Variants in PCDH8 observed in about 807,000 individuals in gnomAD.
PCDH8 encodes the protein protocadherin 8, also known as protocadherin-8.
Under a neutral mutation model 58.2 loss-of-function variants are expected in PCDH8, and 36 were observed. The observed-to-expected ratio is 0.62, with a 90% CI of 0.47 to 0.82. The LOEUF is 0.82. Ranked by LOEUF, PCDH8 falls within the 40% of genes least tolerant of loss-of-function variation. The pLI, the probability that PCDH8 is intolerant of heterozygous loss-of-function variation, is 0.00. For missense variants in PCDH8, 1,493 were observed against 1,567.8 expected (o/e 0.95, Z 0.81); for synonymous variants, 775 against 728.9 (o/e 1.06, Z -1.02).
At position 52,846,015 on chromosome 13, in the gene PCDH8, C is replaced by T. The variant is rs1472316418; in HGVS notation, c.2422G>A (p.Ala808Thr). The change falls in exon 1 of 3, where the codon GCC (alanine) becomes ACC (threonine). Residue 808 changes from alanine (A) to threonine (T), a missense_variant. Coordinates refer to ENST00000377942, the MANE Select transcript of PCDH8 (RefSeq NM_002590.4). ...GASAPGSPEEAARGAGPRPNM... is the reference protein window; with the variant it reads ...GASAPGSPEETARGAGPRPNM... ...GGCCTGGGCCCGGCTCCCCGGGCGGCCTCCTCCGGGGAGCCGGGAGCCGAG... is the reference window on the plus strand; with the variant it reads ...GGCCTGGGCCCGGCTCCCCGGGCGGTCTCCTCCGGGGAGCCGGGAGCCGAG... 2 of 1,479,386 alleles carry T rather than the reference C, an allele frequency of 1.4e-6. No homozygotes were observed. The highest frequency in any genetic ancestry group is 2.2e-4 in the Middle Eastern group (1 of 4,618). The allele number at this position is 1,479,386 out of a possible 1,614,324, so 91.6% of individuals were successfully genotyped here.
At position 52,846,854 on chromosome 13, in the gene PCDH8, CG is replaced by C; in HGVS notation, c.1582del (p.Arg528AlafsTer67). 1 of 1,547,470 alleles carries C rather than the reference CG, an allele frequency of 6.5e-7. No homozygotes were observed. ...CAGCCGGTAGGTGACCTGGCCGTTG[CG>C]GCCCAGGTCCCGGTCGCGGGCGGCC... ...TVAARDRDLG[R>X]NGQVTYRLLE... On this transcript the variant is annotated frameshift_variant, in exon 1 of 3. Coordinates refer to ENST00000377942, the MANE Select transcript of PCDH8 (RefSeq NM_002590.4). LOFTEE classifies it high-confidence loss of function.
In PCDH8 at chr13:52,847,320, C is replaced by G. The variant is rs1965757096; in HGVS notation, c.1117G>C (p.Ala373Pro). 7.1e-7 allele frequency: 1 copy of G among 1,412,078 alleles called. No individual in the cohort carries two copies. Among genetic ancestry groups the G allele is most frequent in the African/African-American group, 1.5e-5 (1 of 67,032 alleles). 87.5% of individuals were successfully genotyped at this position (1,412,078 alleles called of 1,614,324 possible). The stretch of plus-strand genomic sequence containing the variant: ...CCCCCGAGTGCAGCGGCGGCGGCGG[C>G]AGCGGCGAAGGGTGAGGTTGCCGGC... Reference protein sequence around the residue: ...GAPATSPFAAAAAAAALGGAD... With the variant: ...GAPATSPFAAPAAAAALGGAD... The change falls in exon 1 of 3, where the codon GCC (alanine) becomes CCC (proline). Residue 373 changes from alanine to proline, a missense_variant. By Grantham distance (27) the Ala-to-Pro change is conservative. Around this residue, in one of 3 missense-constraint regions of PCDH8, gnomAD observed 1,307 missense variants for 1,362.7 expected, o/e 0.96. Coordinates refer to ENST00000377942, the MANE Select transcript of PCDH8 (RefSeq NM_002590.4).
In PCDH8 at chr13:52,847,216, G is replaced by C; in HGVS notation, c.1221C>G (p.Arg407=). 2.1e-6 allele frequency: 3 copies of C among 1,407,364 alleles called. No homozygotes were observed. The South Asian group carries it at 4.8e-5, about 23-fold the overall frequency. The allele number at this position is 1,407,364 out of a possible 1,614,324, so 87.2% of individuals were successfully genotyped here. The change falls in exon 1 of 3, where the codon CGC becomes CGG. Residue 407 remains arginine (R), a synonymous_variant. Transcript: ENST00000377942. ...ATSLVPEGAA[R]ESLVALVSTS... ...TGCTGACCAGGGCCACCAGGCTCTCGCGCGCCGCCCCCTCCGGCACCAGCG... is the reference window on the plus strand; with the variant it reads ...TGCTGACCAGGGCCACCAGGCTCTCCCGCGCCGCCCCCTCCGGCACCAGCG...
At position 52,845,612 on chromosome 13, in the gene PCDH8, A is replaced by C. The variant is rs1238204721; in HGVS notation, c.2652T>G (p.Gly884=). 2.5e-6 allele frequency: 4 copies of C among 1,613,602 alleles called. No homozygotes were observed. The highest frequency in any genetic ancestry group is 3.4e-6 in the Non-Finnish European group (4 of 1,179,974). ...AHAEPYGASP[G]FGKEPAPPVA... Reference sequence around the variant, plus strand: ...CAGGGGGCGCCGGCTCCTTTCCAAAACCCGGGGAGGCACCGTAGGGCTGCA... The same window carrying C: ...CAGGGGGCGCCGGCTCCTTTCCAAACCCCGGGGAGGCACCGTAGGGCTGCA... Residue 884 remains glycine, a synonymous_variant, in exon 2 of 3, where the codon GGT becomes GGG. Transcript: ENST00000377942.
Position 52,844,619 on chromosome 13 carries a change from A to G in PCDH8, c.3154T>C (p.Tyr1052His). ...AGGTACCTGCCAGGAGGGGACTGGT[A>G]GAGGGGTACTCCAATCTCCTGCAGG... ...PDLQEIGVPLYQSPPGRYLSP... is the reference protein window; with the variant it reads ...PDLQEIGVPLHQSPPGRYLSP... Residue 1052 changes from tyrosine (Y) to histidine (H), a missense_variant, in exon 3 of 3, where the codon TAC (tyrosine) becomes CAC (histidine). Coordinates refer to ENST00000377942, the MANE Select transcript of PCDH8 (RefSeq NM_002590.4). 1 of 1,612,952 alleles carries G rather than the reference A, an allele frequency of 6.2e-7. No homozygotes were observed. The highest frequency in any genetic ancestry group is 8.5e-7 in the Non-Finnish European group (1 of 1,179,330).
In PCDH8 at chr13:52,846,080, G is replaced by C. The variant is rs757040442; in HGVS notation, c.2357C>G (p.Ala786Gly). ...CGCCCCGGGCCGCTCTTCCCGGAGG[G>C]CCCCCCCTTTGCGCACCTCCTTCTT... ...RRKKEVRKGGALREERPGAAG... is the reference protein window; with the variant it reads ...RRKKEVRKGGGLREERPGAAG... The change falls in exon 1 of 3, where the codon GCC becomes GGC. Residue 786 changes from alanine (A) to glycine (G), a missense_variant. By Grantham distance (60) the Ala-to-Gly change is moderately conservative. Transcript: ENST00000377942. 17 of 1,566,344 alleles carry C rather than the reference G, an allele frequency of 1.1e-5. 2 individuals are homozygous for C. The South Asian group carries it at 1.8e-4, about 17-fold the overall frequency.
In PCDH8 at chr13:52,848,208, G is replaced by A. The variant is rs201519321; in HGVS notation, c.229C>T (p.Arg77Cys). 9.3e-6 allele frequency: 15 copies of A among 1,612,864 alleles called. No individual in the cohort carries two copies. In the Admixed American group the frequency reaches 1.2e-4, roughly 13 times the overall value. ...ACGGTCAGCTGCCCGTCGCCTTCGC[G>A]CACCCGGAGCAGAGAGCTGTTGAAT... ...KQFNSSLLRVREGDGQLTVGD... is the reference protein window; with the variant it reads ...KQFNSSLLRVCEGDGQLTVGD... Residue 77 changes from arginine (R) to cysteine (C), a missense_variant, in exon 1 of 3, where the codon CGC becomes TGC. By Grantham distance (180) the Arg-to-Cys change is radical (BLOSUM62 -3). This residue lies in a region of PCDH8 where 1,307 missense variants were observed against 1,362.7 expected (regional missense o/e 0.96). Coordinates refer to ENST00000377942, the MANE Select transcript of PCDH8 (RefSeq NM_002590.4).
In PCDH8 at chr13:52,846,867, G is replaced by T. The variant is rs1965747459; in HGVS notation, c.1570C>A (p.Arg524=). The change falls in exon 1 of 3, where the codon CGG becomes AGG. Residue 524 remains arginine, a synonymous_variant. Transcript: ENST00000377942. The part of the protein sequence containing the change: ...AYLATVAARD[R]DLGRNGQVTY... Reference sequence around the variant, plus strand: ...ACCTGGCCGTTGCGGCCCAGGTCCCGGTCGCGGGCGGCCACCGTGGCCAGG... The same window carrying T: ...ACCTGGCCGTTGCGGCCCAGGTCCCTGTCGCGGGCGGCCACCGTGGCCAGG... The T allele has an allele frequency of 6.5e-7, 1 of 1,550,080 alleles. No individual in the cohort carries two copies. Among genetic ancestry groups the T allele is most frequent in the Non-Finnish European group, 8.7e-7 (1 of 1,152,290 alleles).
rs1965701707 is a variant in PCDH8, at chr13:52,844,708, A to G, written c.3065T>C (p.Leu1022Pro). The change falls in exon 3 of 3, where the codon CTG (leucine) becomes CCG (proline). Residue 1022 changes from leucine to proline, a missense_variant. Coordinates refer to ENST00000377942, the MANE Select transcript of PCDH8 (RefSeq NM_002590.4). ...GACTGTCCTGTCATAGTCTCTGTGC[A>G]GTACTTTCTCATAGACGCTCTGCAG... ...VGLQSVYEKV[L>P]HRDYDRTVTL... is the part of the protein sequence containing the mutation. 1 of 1,614,080 alleles carries G rather than the reference A, an allele frequency of 6.2e-7. No individual in the cohort carries two copies.
chr13:52,847,303 T>TGCAGCGGCGGCGGCG lies in PCDH8; in HGVS notation c.1119_1133dup (p.Ala374_Ala378dup). 7.1e-7 allele frequency: 1 copy of TGCAGCGGCGGCGGCG among 1,403,496 alleles called. No individual in the cohort carries two copies. Among genetic ancestry groups the TGCAGCGGCGGCGGCG allele is most frequent in the Non-Finnish European group, 9.2e-7 (1 of 1,085,284 alleles). The allele number at this position is 1,403,496 out of a possible 1,614,324, so 86.9% of individuals were successfully genotyped here. ...GCGAGCTAGCGTCCGCTCCCCCGAG[T>TGCAGCGGCGGCGGCG]GCAGCGGCGGCGGCGGCAGCGGCGA... On this transcript the variant is annotated inframe_insertion, in exon 1 of 3. Transcript: ENST00000377942.
rs769181923 is a variant in PCDH8 at position 52,846,270 on chromosome 13, T to C, written c.2167A>G (p.Ser723Gly). The change falls in exon 1 of 3, where the codon AGT becomes GGT. Residue 723 changes from serine (S) to glycine (G), a missense_variant. By Grantham distance (56) the Ser-to-Gly change is moderately conservative. Coordinates refer to ENST00000377942, the MANE Select transcript of PCDH8 (RefSeq NM_002590.4). ...GGGRGPAAPA[S>G]AGSPERSRPP... ...CGGGAACGCTCCGGGCTTCCTGCAC[T>C]GGCAGGCGCAGCCGGCCCACGCCCG... The C allele has an allele frequency of 3.8e-6, 6 of 1,578,772 alleles. No homozygotes were observed. Among genetic ancestry groups the C allele is most frequent in the Non-Finnish European group, 4.3e-6 (5 of 1,168,270 alleles).
In PCDH8 at chr13:52,847,310, G is replaced by T; in HGVS notation, c.1127C>A (p.Ala376Asp). 1 of 1,405,182 alleles carries T rather than the reference G, an allele frequency of 7.1e-7. No individual in the cohort carries two copies. Among genetic ancestry groups the T allele is most frequent in the Admixed American group, 3.4e-5 (1 of 29,628 alleles). The allele number at this position is 1,405,182 out of a possible 1,614,324, so 87.0% of individuals were successfully genotyped here. The change falls in exon 1 of 3, where the codon GCC becomes GAC. Residue 376 changes from alanine to aspartate, a missense_variant. Coordinates refer to ENST00000377942, the MANE Select transcript of PCDH8 (RefSeq NM_002590.4). ...AGCGTCCGCTCCCCCGAGTGCAGCG[G>T]CGGCGGCGGCAGCGGCGAAGGGTGA... ...ATSPFAAAAA[A>D]AALGGADASS... is the part of the protein sequence containing the mutation.
Position 52,844,506 on chromosome 13 carries a change from ACT to A in PCDH8, c.*52_*53del. 1 of 1,465,638 alleles carries A rather than the reference ACT, an allele frequency of 6.8e-7. No individual in the cohort carries two copies. The highest frequency in any genetic ancestry group is 9.1e-7 in the Non-Finnish European group (1 of 1,094,156). 90.8% of individuals were successfully genotyped at this position (1,465,638 alleles called of 1,614,324 possible). A position where few individuals can be genotyped will look rare whatever the true frequency, so the allele number is the denominator to read the frequency against. On this transcript the variant is annotated 3_prime_UTR_variant, in exon 3 of 3. Transcript: ENST00000377942. ...TATACAACACTGAAACCGGTCAATA[ACT>A]TAGGGGCTTCTCGGAGTGACCTGTA...
Position 52,847,030 on chromosome 13 carries a change from G to C in PCDH8, c.1407C>G (p.Ala469=), listed in dbSNP as rs536819865. The C allele has an allele frequency of 5.7e-6, 9 of 1,566,184 alleles. No individual in the cohort carries two copies. Among genetic ancestry groups the C allele is most frequent in the African/African-American group, 1.4e-5 (1 of 72,388 alleles). The part of the protein sequence containing the change: ...RIAEYNLTLV[A]EDRGAPPLRT... The stretch of plus-strand genomic sequence containing the variant: ...GCAGCGGGGGCGCGCCGCGATCCTC[G>C]GCCACCAGCGTCAAGTTGTACTCGG... Residue 469 remains alanine (A), a synonymous_variant, in exon 1 of 3, where the codon GCC becomes GCG. Coordinates refer to ENST00000377942, the MANE Select transcript of PCDH8 (RefSeq NM_002590.4).
chr13:52,848,495 G>C lies in PCDH8; in HGVS notation c.-59C>G, dbSNP rs1042915045. On this transcript the variant is annotated 5_prime_UTR_variant, in exon 1 of 3. Transcript: ENST00000377942. ...GGAAGTCTTCTCTGGTTTCCAGGTC[G>C]GGCGTCAGTCTCAGGCTCTCGGAAT... is the stretch of plus-strand genomic sequence containing the variant. 7.9e-6 allele frequency: 12 copies of C among 1,511,804 alleles called. No homozygotes were observed. The highest frequency in any genetic ancestry group is 1.1e-5 in the Non-Finnish European group (12 of 1,135,924). 93.6% of individuals were successfully genotyped at this position (1,511,804 alleles called of 1,614,324 possible). A position where few individuals can be genotyped will look rare whatever the true frequency, so the allele number is the denominator to read the frequency against.
chr13:52,844,738 A>T lies in PCDH8; in HGVS notation c.3035T>A (p.Val1012Glu), dbSNP rs773294757. ...NYYQAQLPKT[V>E]GLQSVYEKVL... is the part of the protein sequence containing the mutation. Reference sequence around the variant, plus strand: ...TTTCTCATAGACGCTCTGCAGCCCCACTGTCTTGGGCAGCTGGGCCTGGTA... The same window carrying T: ...TTTCTCATAGACGCTCTGCAGCCCCTCTGTCTTGGGCAGCTGGGCCTGGTA... The change falls in exon 3 of 3, where the codon GTG (valine) becomes GAG (glutamate). Residue 1012 changes from valine to glutamate, a missense_variant. Val to Glu is a moderately radical substitution (Grantham distance 121). Coordinates refer to ENST00000377942, the MANE Select transcript of PCDH8 (RefSeq NM_002590.4). The T allele has an allele frequency of 3.7e-6, 6 of 1,613,796 alleles. No homozygotes were observed. In the Admixed American group the frequency reaches 1.0e-4, roughly 27 times the overall value.
chr13:52,848,068 T>A lies in PCDH8; in HGVS notation c.369A>T (p.Val123=). The A allele has an allele frequency of 6.2e-7, 1 of 1,612,420 alleles. No homozygotes were observed. Among genetic ancestry groups the A allele is most frequent in the Non-Finnish European group, 8.5e-7 (1 of 1,179,620 alleles). ...QEQFRLVHVE[V]EVRDVNDHAP... is the part of the protein sequence containing the mutation. Reference sequence around the variant, plus strand: ...CGTGGTCGTTGACGTCCCTCACCTCTACCTCCACGTGCACCAGCCGGAACT... The same window carrying A: ...CGTGGTCGTTGACGTCCCTCACCTCAACCTCCACGTGCACCAGCCGGAACT... The change falls in exon 1 of 3, where the codon GTA becomes GTT. Residue 123 remains valine, a synonymous_variant. Transcript: ENST00000377942.
Position 52,846,462 on chromosome 13 carries a change from G to A in PCDH8, c.1975C>T (p.Arg659Cys). 4.4e-6 allele frequency: 7 copies of A among 1,598,876 alleles called. No homozygotes were observed. The highest frequency in any genetic ancestry group is 5.9e-6 in the Non-Finnish European group (7 of 1,179,430). Reference protein sequence around the residue: ...LAFELQQQEPREAFAIGRRTG... With the variant: ...LAFELQQQEPCEAFAIGRRTG... ...CGGCGGCCGATGGCGAAGGCTTCGC[G>A]CGGCTCCTGCTGCTGCAGCTCGAAC... Residue 659 changes from arginine (R) to cysteine (C), a missense_variant, in exon 1 of 3, where the codon CGC becomes TGC. Coordinates refer to ENST00000377942, the MANE Select transcript of PCDH8 (RefSeq NM_002590.4).
chr13:52,845,148 A>C (rs1205211749), intron 2 of PCDH8, among the ~76,000 whole-genome samples: 1 of 152,128 alleles, frequency 6.6e-6, no homozygotes, highest in African/African-American at 2.4e-5. Flanking sequence ...TGGAAGTGAA[A>C]AAAAAAATTG....
Sources: gnomAD v4.1 joint callset for allele counts (sites outside exome capture counted in the v4.1 genomes callset) on GRCh38, gnomAD v4.1.1 for gene constraint, gnomAD v4.1.1 regional missense constraint, MANE v1.5 for transcripts, NCBI Gene and HGNC (gene_info 2026-07-23, HGNC 2026-07-21) for gene names.